The following SPATA13 variants were observed in gnomAD, a reference collection of about 807,000 sequenced individuals.
SPATA13 encodes spermatogenesis-associated protein 13.
Under a neutral mutation model 104.0 loss-of-function variants are expected in SPATA13, and 50 were observed. The observed-to-expected ratio is 0.48, with a 90% CI of 0.38 to 0.61. SPATA13 has a LOEUF of 0.61. SPATA13 is among the 20% of genes least tolerant of loss of function. The pLI, the probability that SPATA13 is intolerant of heterozygous loss-of-function variation, is 0.00. For synonymous variants in SPATA13, 606 were observed against 667.5 expected (o/e 0.91, Z 1.42); for missense variants, 1,524 against 1,690.6 (o/e 0.90, Z 1.73).
Position 24,236,071 on chromosome 13 carries a change from G to T in SPATA13, c.1653+11489G>T, listed in dbSNP as rs370151399. Among the ~76,000 whole-genome samples the T allele has an allele frequency of 2.6e-5, 4 of 152,146 alleles. No homozygotes were observed. In the East Asian group the frequency reaches 5.8e-4, roughly 22 times the overall value. ...AGGACTGTCACATAAGTAGTGAGGG[G>T]TGGGGTCGGGCCTGCAGCTGGGTTT... On this transcript the variant is annotated intron_variant, in intron 2 of 12. Coordinates refer to ENST00000382108, the MANE Select transcript of SPATA13 (RefSeq NM_001166271.3).
intron 2 of SPATA13, among the ~76,000 whole-genome samples, chr13:23,991,564 C>T (rs1436909926): frequency 6.6e-6 from 1 of 152,144 alleles, no homozygotes; most frequent in Non-Finnish European, 1.5e-5. Flanking sequence ...AGCCCCGGCC[C>T]GCAGTGTCCA....
chr13:23,986,460 G>A (rs973275049), intron 2 of SPATA13, among the ~76,000 whole-genome samples: 5 of 152,122 alleles, frequency 3.3e-5, no homozygotes, highest in African/African-American at 9.7e-5. Context: ...GGTCCCTTCT[G>A]CTCCTTCTAA....
intron 3 of SPATA13, among the ~76,000 whole-genome samples, chr13:24,030,060 A>ACG (rs1555255388): frequency 2.1e-5 from 3 of 143,536 alleles, no homozygotes; most frequent in East Asian, 2.0e-4. Flanking sequence ...ACACACACAC[A>ACG]CACACGCACA....
chr13:24,098,904 C>T (rs1344945569), intron 3 of SPATA13, among the ~76,000 whole-genome samples: 1 of 128,222 alleles, frequency 7.8e-6, no homozygotes, highest in African/African-American at 3.1e-5. Context: ...TCCAGCCTGG[C>T]AACAGAGCGA....
At chr13:24,006,882 C>A (rs552091309) in intron 2 of SPATA13, among the ~76,000 whole-genome samples, 2 of 152,182 alleles carry the variant, frequency 1.3e-5, no homozygotes, top group African/African-American at 4.8e-5. Context: ...TGCCCCCGCT[C>A]GGCAATTAAC....
chr13:23,982,073 G>T (rs547165298), intron 1 of SPATA13, among the ~76,000 whole-genome samples: 113 of 152,306 alleles, frequency 7.4e-4, no homozygotes, highest in African/African-American at 2.6e-3. Context: ...AGATGTGTGT[G>T]TTTTAAAGTA....
chr13:24,200,890 T>C (rs1194541073), intron 1 of SPATA13, among the ~76,000 whole-genome samples: 1 of 151,972 alleles, frequency 6.6e-6, no homozygotes, highest in Non-Finnish European at 1.5e-5. Flanking sequence ...GTCAAAATAA[T>C]CTTGCTTTAA....
intron 1 of SPATA13, among the ~76,000 whole-genome samples, chr13:24,186,279 G>A (rs1421576191): frequency 2.6e-5 from 4 of 152,314 alleles, no homozygotes; most frequent in South Asian, 4.1e-4. Flanking sequence ...CAAAGCAAAA[G>A]TAGAAAATTA....
At chr13:24,096,193 A>T (rs553647133) in intron 3 of SPATA13, among the ~76,000 whole-genome samples, 2 of 152,328 alleles carry the variant, frequency 1.3e-5, no homozygotes, top group East Asian at 3.9e-4. Flanking sequence ...AACAAAACAG[A>T]CATAGCCCAT....
intron 2 of SPATA13, among the ~76,000 whole-genome samples, chr13:23,992,669 A>G (rs1875470687): frequency 6.6e-6 from 1 of 152,162 alleles, no homozygotes; most frequent in South Asian, 2.1e-4. Flanking sequence ...AAAGTGGTCC[A>G]TGTGCTACAG....
At chr13:24,000,454 C>G (rs1875904342) in intron 2 of SPATA13, among the ~76,000 whole-genome samples, 2 of 152,086 alleles carry the variant, frequency 1.3e-5, no homozygotes. Flanking sequence ...GAGGAACCTT[C>G]CAGACACCAC....
At chr13:24,200,409 G>C (rs1205068491) in intron 1 of SPATA13, among the ~76,000 whole-genome samples, 1 of 152,072 alleles carries the variant, frequency 6.6e-6, no homozygotes, top group African/African-American at 2.4e-5. Flanking sequence ...AAAGAGTACA[G>C]CATGTAAGGA....
chr13:24,210,130 G>C (rs2138586875), intron 1 of SPATA13, among the ~76,000 whole-genome samples: 1 of 152,190 alleles, frequency 6.6e-6, no homozygotes, highest in Non-Finnish European at 1.5e-5. Flanking sequence ...TGAGGGCTTT[G>C]TTTGTTTTTG....
chr13:24,045,334 A>T (rs950423817), intron 3 of SPATA13, among the ~76,000 whole-genome samples: 2 of 152,212 alleles, frequency 1.3e-5, no homozygotes, highest in Non-Finnish European at 2.9e-5. Flanking sequence ...TGAGGTTTTA[A>T]AAAGGTCTGC....
intron 1 of SPATA13, among the ~76,000 whole-genome samples, chr13:24,185,002 G>A (rs73166339): frequency 0.082 from 12,531 of 152,140 alleles, 715 homozygotes; most frequent in Non-Finnish European, 0.12. Flanking sequence ...CTTTGAAAGT[G>A]GGCACTGGGG....
rs1877577069 is a variant in SPATA13, at chr13:24,306,374, C to T, written c.*3601C>T. ...CCTGGAGTTAGGGGGAGTATTTCTG[C>T]ACTATTACTTGTCAGGGAGAGAAGA... On this transcript the variant is annotated 3_prime_UTR_variant, in exon 13 of 13. Coordinates refer to ENST00000382108, the MANE Select transcript of SPATA13 (RefSeq NM_001166271.3). 1 of 152,144 alleles carries T rather than the reference C, an allele frequency of 6.6e-6. No homozygotes were observed. Among genetic ancestry groups the T allele is most frequent in the Non-Finnish European group, 1.5e-5 (1 of 68,032 alleles). The allele number at this position is 152,144 out of a possible 1,614,324, so 9.4% of individuals were successfully genotyped here.
At chr13:24,141,693 G>A (rs1490936999) in intron 3 of SPATA13, among the ~76,000 whole-genome samples, 1 of 152,240 alleles carries the variant, frequency 6.6e-6, no homozygotes, top group East Asian at 1.9e-4. Flanking sequence ...TGGAATGGTT[G>A]TTAGTTAAGT....
At chr13:24,241,533 A>G (rs1263411208) in intron 2 of SPATA13, among the ~76,000 whole-genome samples, 1 of 152,252 alleles carries the variant, frequency 6.6e-6, no homozygotes, top group Non-Finnish European at 1.5e-5. Context: ...GGGCTTTTAT[A>G]GGAGCCCCTC....
chr13:24,265,878 G>C (rs1425275035), intron 4 of SPATA13, among the ~76,000 whole-genome samples: 2 of 152,314 alleles, frequency 1.3e-5, no homozygotes, highest in African/African-American at 4.8e-5. Context: ...CTGCTTTGCA[G>C]AAACAACAGG....
Sources: allele counts gnomAD v4.1 joint callset (sites outside exome capture counted in the v4.1 genomes callset), GRCh38; gene constraint gnomAD v4.1.1; transcripts MANE v1.5; gene names NCBI Gene and HGNC (gene_info 2026-07-23, HGNC 2026-07-21).